Variants in ATRNL1 observed in about 807,000 individuals in gnomAD.
The protein encoded by ATRNL1 is attractin like 1.
Under a neutral mutation model 182.7 loss-of-function variants are expected in ATRNL1, and 95 were observed. That is an observed-to-expected ratio of 0.52 (90% CI 0.44 to 0.62). ATRNL1 has a LOEUF of 0.62. ATRNL1 is among the 20% of genes least tolerant of loss of function. The pLI, the probability that ATRNL1 is intolerant of heterozygous loss-of-function variation, is 0.00. For missense variants in ATRNL1, 1,471 were observed against 1,679.5 expected (o/e 0.88, Z 2.17); for synonymous variants, 576 against 568.3 (o/e 1.01, Z -0.19).
chr10:115,301,326 A>G (rs1853456638), intron 16 of ATRNL1, among the ~76,000 whole-genome samples: 1 of 152,208 alleles, frequency 6.6e-6, no homozygotes, highest in African/African-American at 2.4e-5. Context: ...GCAGTGCACA[A>G]AGGTTTCAAT....
At chr10:115,657,254 C>T (rs1230639006) in intron 26 of ATRNL1, among the ~76,000 whole-genome samples, 1 of 151,966 alleles carries the variant, frequency 6.6e-6, no homozygotes, top group Non-Finnish European at 1.5e-5. Flanking sequence ...ACAAACATAA[C>T]GATGTAGTTA....
At chr10:115,115,731 A>G (rs1844455389) in intron 1 of ATRNL1, among the ~76,000 whole-genome samples, 1 of 152,086 alleles carries the variant, frequency 6.6e-6, no homozygotes, top group African/African-American at 2.4e-5. Flanking sequence ...TCTGTGATAA[A>G]CAGGATTTAT....
At position 115,813,185 on chromosome 10, in the gene ATRNL1, T is replaced by C. The variant is rs191822391; in HGVS notation, c.3904-34692T>C. ...ACAACATGGCACATGTATACATATG[T>C]AACAAACCTGCACGTTGTGCACATG... On this transcript the variant is annotated intron_variant, in intron 27 of 28. Coordinates refer to ENST00000355044, the MANE Select transcript of ATRNL1 (RefSeq NM_207303.4). Among the ~76,000 whole-genome samples, 68 of 152,238 alleles carry C rather than the reference T, an allele frequency of 4.5e-4. No individual in the cohort carries two copies. The South Asian group carries it at 6.0e-3, about 13-fold the overall frequency.
intron 19 of ATRNL1, among the ~76,000 whole-genome samples, chr10:115,341,562 T>C (rs530075595): frequency 6.6e-6 from 1 of 152,270 alleles, no homozygotes; most frequent in African/African-American, 2.4e-5. Context: ...TGTTTCTTTG[T>C]TGATTTTCTT....
intron 26 of ATRNL1, among the ~76,000 whole-genome samples, chr10:115,605,667 C>T (rs1405111141): frequency 6.6e-6 from 1 of 151,780 alleles, no homozygotes; most frequent in East Asian, 1.9e-4. Flanking sequence ...TTTTATTATA[C>T]AACAATGAAT....
chr10:115,666,842 G>A (rs1444240484), intron 26 of ATRNL1, among the ~76,000 whole-genome samples: 4 of 151,962 alleles, frequency 2.6e-5, no homozygotes, highest in African/African-American at 9.7e-5. Context: ...CACAAGACTA[G>A]TCTGTAGAAC....
In ATRNL1 at chr10:115,661,774, C is replaced by CG. The variant is rs575755513; in HGVS notation, c.3796-65474_3796-65473insG. The stretch of plus-strand genomic sequence containing the variant: ...CTTGGCTGTGACTCAATTAAAATTG[C>CG]ATTTTTTTTATTATACTTTAAGTTT... On this transcript the variant is annotated intron_variant, in intron 26 of 28. Coordinates refer to ENST00000355044, the MANE Select transcript of ATRNL1 (RefSeq NM_207303.4). Among the ~76,000 whole-genome samples, 8 of 128,128 alleles carry CG rather than the reference C, an allele frequency of 6.2e-5. No homozygotes were observed. The South Asian group carries it at 9.5e-4, about 15-fold the overall frequency. The allele number at this position is 128,128 out of a possible 152,430, so 84.1% of individuals were successfully genotyped here.
intron 20 of ATRNL1, among the ~76,000 whole-genome samples, chr10:115,407,481 G>A (rs1844888215): frequency 6.6e-6 from 1 of 151,776 alleles, no homozygotes; most frequent in African/African-American, 2.4e-5. Context: ...AAGACATGCA[G>A]TGTTTAACTT....
At chr10:115,524,454 CA>C (rs1851109710) in intron 25 of ATRNL1, among the ~76,000 whole-genome samples, 1 of 152,068 alleles carries the variant, frequency 6.6e-6, no homozygotes, top group Non-Finnish European at 1.5e-5. Context: ...GTATCTGAGT[CA>C]GAAAAGTCTG....
chr10:115,829,938 T>C (rs1276986400), intron 27 of ATRNL1, among the ~76,000 whole-genome samples: 1 of 152,234 alleles, frequency 6.6e-6, no homozygotes, highest in African/African-American at 2.4e-5. Flanking sequence ...TTTATCTTGG[T>C]GTGTGCAGTG....
intron 19 of ATRNL1, among the ~76,000 whole-genome samples, chr10:115,391,903 G>C (rs1844045703): frequency 6.6e-6 from 1 of 151,722 alleles, no homozygotes; most frequent in Non-Finnish European, 1.5e-5. Flanking sequence ...ACTATTTTTA[G>C]GAATTTGTTG....
At position 115,187,101 on chromosome 10, in the gene ATRNL1, A is replaced by G. The variant is rs1554888879; in HGVS notation, c.1348+15809A>G. Among the ~76,000 whole-genome samples, 3 of 152,238 alleles carry G rather than the reference A, an allele frequency of 2.0e-5. No individual in the cohort carries two copies. In the East Asian group the frequency reaches 5.8e-4, roughly 29 times the overall value. ...CTCACACCTGTTAGAATGGCTGTAA[A>G]AAAGACAAAAGATAACAAGTATTGG... On this transcript the variant is annotated intron_variant, in intron 8 of 28. Coordinates refer to ENST00000355044, the MANE Select transcript of ATRNL1 (RefSeq NM_207303.4).
At chr10:115,108,175 A>G (rs987955756) in intron 1 of ATRNL1, among the ~76,000 whole-genome samples, 1 of 152,158 alleles carries the variant, frequency 6.6e-6, no homozygotes, top group Non-Finnish European at 1.5e-5. Flanking sequence ...TTGTTTTTAA[A>G]TCATTCTACC....
At chr10:115,747,209 G>C (rs1426486615) in intron 27 of ATRNL1, among the ~76,000 whole-genome samples, 3 of 152,060 alleles carry the variant, frequency 2.0e-5, no homozygotes, top group Non-Finnish European at 4.4e-5. Context: ...ATTGATAACA[G>C]CTTTGGGTTC....
intron 26 of ATRNL1, among the ~76,000 whole-genome samples, chr10:115,623,661 A>G (rs1857915764): frequency 6.6e-6 from 1 of 152,144 alleles, no homozygotes; most frequent in Non-Finnish European, 1.5e-5. Context: ...AAAATTAAAT[A>G]GTGGGGGTAA....
intron 19 of ATRNL1, among the ~76,000 whole-genome samples, chr10:115,350,340 AAAAAAG>A (rs1309223832): frequency 2.2e-4 from 31 of 138,542 alleles, no homozygotes; most frequent in East Asian, 6.2e-4. Context: ...GTCTCAAAAA[AAAAAAG>A]AAAAAAAAAA....
At chr10:115,620,140 G>A (rs1555022203) in intron 26 of ATRNL1, among the ~76,000 whole-genome samples, 2 of 152,216 alleles carry the variant, frequency 1.3e-5, no homozygotes, top group African/African-American at 4.8e-5. Flanking sequence ...GCCTCAGGAG[G>A]CTTACAATCA....
chr10:115,910,227 G>A (rs1422027122), intron 28 of ATRNL1, among the ~76,000 whole-genome samples: 1 of 152,176 alleles, frequency 6.6e-6, no homozygotes, highest in Non-Finnish European at 1.5e-5. Context: ...AAGGTCAGAG[G>A]AAAGGGGCTG....
intron 8 of ATRNL1, among the ~76,000 whole-genome samples, chr10:115,196,288 A>C (rs545322069): frequency 6.6e-6 from 1 of 152,266 alleles, no homozygotes; most frequent in South Asian, 2.1e-4. Context: ...TTTGTACTCT[A>C]TTCTGGTCCA....
Sources: gnomAD v4.1 joint callset for allele counts (sites outside exome capture counted in the v4.1 genomes callset) on GRCh38, gnomAD v4.1.1 for gene constraint, MANE v1.5 for transcripts, NCBI Gene and HGNC (gene_info 2026-07-23, HGNC 2026-07-21) for gene names.